Variants in RAB11FIP2 observed in about 807,000 individuals in gnomAD.
RAB11FIP2 encodes rab11 family-interacting protein 2.
Under a neutral mutation model 40.9 loss-of-function variants are expected in RAB11FIP2, and 16 were observed. The ratio of observed to expected loss-of-function variants is 0.39; its 90% confidence interval spans 0.26 to 0.59. The LOEUF (loss-of-function observed/expected upper bound fraction) is 0.59. Ranked by LOEUF, RAB11FIP2 falls within the 20% of genes least tolerant of loss-of-function variation. The pLI, the probability that RAB11FIP2 is intolerant of heterozygous loss-of-function variation, is 0.53. For missense variants in RAB11FIP2, 532 were observed against 606.2 expected (o/e 0.88, Z 1.28); for synonymous variants, 228 against 213.7 (o/e 1.07, Z -0.58).
rs1270651007 is a variant in RAB11FIP2 at position 118,004,942 on chromosome 10, T to C, written c.*4056A>G. The C allele has an allele frequency of 1.3e-5, 2 of 152,632 alleles. No homozygotes were observed. Among genetic ancestry groups the C allele is most frequent in the African/African-American group, 2.4e-5 (1 of 41,462 alleles). The allele number at this position is 152,632 out of a possible 1,614,324, so 9.5% of individuals were successfully genotyped here. A position where few individuals can be genotyped will look rare whatever the true frequency, so the allele number is the denominator to read the frequency against. On this transcript the variant is annotated 3_prime_UTR_variant, in exon 5 of 5. Coordinates refer to ENST00000355624, the MANE Select transcript of RAB11FIP2 (RefSeq NM_014904.3). ...TAAGTTTAAACACTTTAATCAACTATAAGTCAATAATCATATATTATATAA... is the reference window on the plus strand; with the variant it reads ...TAAGTTTAAACACTTTAATCAACTACAAGTCAATAATCATATATTATATAA...
At chr10:118,027,239 A>C (rs1382264896) in intron 3 of RAB11FIP2, among the ~76,000 whole-genome samples, 1 of 152,204 alleles carries the variant, frequency 6.6e-6, no homozygotes. Context: ...AAGGTTAAGT[A>C]AGGCCACGCG....
intron 3 of RAB11FIP2, among the ~76,000 whole-genome samples, chr10:118,026,402 GACT>G (rs1846343800): frequency 6.6e-6 from 1 of 152,128 alleles, no homozygotes; most frequent in African/African-American, 2.4e-5. Flanking sequence ...TGAATTCAGA[GACT>G]ACTAGAGTAG....
chr10:118,037,538 A>G (rs1846496640), intron 3 of RAB11FIP2, among the ~76,000 whole-genome samples: 1 of 152,034 alleles, frequency 6.6e-6, no homozygotes, highest in African/African-American at 2.4e-5. Context: ...CATCAAACAT[A>G]ATTGTAGTCA....
In RAB11FIP2 at chr10:118,046,075, T is replaced by A. The variant is rs762520405; in HGVS notation, c.89A>T (p.Lys30Ile). The A allele has an allele frequency of 1.2e-6, 2 of 1,614,134 alleles. No individual in the cohort carries two copies. The highest frequency in any genetic ancestry group is 2.7e-5 in the African/African-American group (2 of 74,942). The change falls in exon 1 of 5, where the codon AAA becomes ATA. Residue 30 changes from lysine (K) to isoleucine (I), a missense_variant. By Grantham distance (102) the Lys-to-Ile change is moderately radical (BLOSUM62 -3). Coordinates refer to ENST00000355624, the MANE Select transcript of RAB11FIP2 (RefSeq NM_014904.3). ...AGTGTATGTGTCATTGGTACCACTT[T>A]TGCCTTTTGGCTTCAGATCTTTGGC... ...LQAKDLKPKG[K>I]SGTNDTYTII...
chr10:118,032,465 T>G (rs1589645262), intron 3 of RAB11FIP2, among the ~76,000 whole-genome samples: 2 of 149,134 alleles, frequency 1.3e-5, no homozygotes, highest in East Asian at 3.9e-4. Flanking sequence ...TTCCACCATA[T>G]CTCTGTTTTA....
At chr10:118,045,251 T>C (rs1357886757) in intron 1 of RAB11FIP2, 1 of 152,726 alleles carries the variant, frequency 6.5e-6, no homozygotes, top group African/African-American at 2.4e-5. Flanking sequence ...GTACATACTT[T>C]TAAAACTTTT....
At chr10:118,014,515 C>T (rs938695430) in intron 4 of RAB11FIP2, among the ~76,000 whole-genome samples, 33 of 152,234 alleles carry the variant, frequency 2.2e-4, no homozygotes, top group African/African-American at 7.0e-4. Context: ...TTGCAAAATA[C>T]GTGAGTTGAT....
Position 118,039,179 on chromosome 10 carries a change from TTCTC to T in RAB11FIP2, c.1054_1057del (p.Glu352LysfsTer11), listed in dbSNP as rs759923482. On this transcript the variant is annotated frameshift_variant, in exon 3 of 5. Transcript: ENST00000355624. LOFTEE classifies it high-confidence loss of function. ...TTCAAACAGGCTAACTTTCTCCCTT[TTCTC>T]TCTTTTATTTTCTTTTCTTATTTCA... 3 of 1,613,616 alleles carry T rather than the reference TTCTC, an allele frequency of 1.9e-6. No homozygotes were observed. The highest frequency in any genetic ancestry group is 2.5e-6 in the Non-Finnish European group (3 of 1,179,814).
chr10:118,033,289 G>C (rs1004971245), intron 3 of RAB11FIP2, among the ~76,000 whole-genome samples: 1 of 152,018 alleles, frequency 6.6e-6, no homozygotes, highest in Non-Finnish European at 1.5e-5. Context: ...TCAGTCAGAG[G>C]GGAGGCCCAA....
chr10:118,027,358 A>G (rs1442672820), intron 3 of RAB11FIP2, among the ~76,000 whole-genome samples: 2 of 152,242 alleles, frequency 1.3e-5, no homozygotes, highest in African/African-American at 4.8e-5. Flanking sequence ...TTTTCATGTT[A>G]TACTGTAAAA....
At chr10:118,024,482 T>TGC (rs1360909419) in intron 3 of RAB11FIP2, among the ~76,000 whole-genome samples, 2 of 143,296 alleles carry the variant, frequency 1.4e-5, no homozygotes, top group African/African-American at 5.8e-5. Context: ...TGTGTGTGTG[T>TGC]GTGTGTGTGT....
Position 118,040,180 on chromosome 10 carries a change from C to T in RAB11FIP2, c.739G>A (p.Gly247Ser). 6.2e-7 allele frequency: 1 copy of T among 1,613,766 alleles called. No homozygotes were observed. Among genetic ancestry groups the T allele is most frequent in the Non-Finnish European group, 8.5e-7 (1 of 1,179,760 alleles). ...TGGTGTCCGAGAAGATGTGTTTGAC[C>T]TATGGTGCCAGCCTTCAGTTTCTCA... is the stretch of plus-strand genomic sequence containing the variant. Reference protein sequence around the residue: ...SSEKLKAGTIGQTHLLGHQLD... With the variant: ...SSEKLKAGTISQTHLLGHQLD... The change falls in exon 2 of 5, where the codon GGT (glycine) becomes AGT (serine). Residue 247 changes from glycine to serine, a missense_variant. Gly to Ser is a moderately conservative substitution (Grantham distance 56). Transcript: ENST00000355624.
In RAB11FIP2 at chr10:118,007,878, TC is replaced by T. The variant is rs1846112302; in HGVS notation, c.*1119del. ...AAGTTCTCTTCTAAAAACTCACTCT[TC>T]CTTTAGTAAGTCTTATTTTGGTTCA... On this transcript the variant is annotated 3_prime_UTR_variant, in exon 5 of 5. Coordinates refer to ENST00000355624, the MANE Select transcript of RAB11FIP2 (RefSeq NM_014904.3). 6.6e-6 allele frequency: 1 copy of T among 152,506 alleles called. No individual in the cohort carries two copies. Among genetic ancestry groups the T allele is most frequent in the Non-Finnish European group, 1.5e-5 (1 of 67,988 alleles). The allele number at this position is 152,506 out of a possible 1,614,324, so 9.4% of individuals were successfully genotyped here.
chr10:118,010,500 G>A (rs1012581791), intron 4 of RAB11FIP2, among the ~76,000 whole-genome samples: 2 of 151,990 alleles, frequency 1.3e-5, no homozygotes, highest in African/African-American at 4.8e-5. Context: ...TGTATTTGGG[G>A]GTGTTCATGA....
At position 118,005,352 on chromosome 10, in the gene RAB11FIP2, A is replaced by G. The variant is rs988968700; in HGVS notation, c.*3646T>C. ...AGAGCTTCTATACCTCTTATTAAATATATCAGAAAATGCTTCATATGCAGA... is the reference window on the plus strand; with the variant it reads ...AGAGCTTCTATACCTCTTATTAAATGTATCAGAAAATGCTTCATATGCAGA... On this transcript the variant is annotated 3_prime_UTR_variant, in exon 5 of 5. Transcript: ENST00000355624. The G allele has an allele frequency of 8.5e-5, 13 of 152,772 alleles. No homozygotes were observed. The highest frequency in any genetic ancestry group is 2.9e-4 in the African/African-American group (12 of 41,576). 9.5% of individuals were successfully genotyped at this position (152,772 alleles called of 1,614,324 possible). A position where few individuals can be genotyped will look rare whatever the true frequency, so the allele number is the denominator to read the frequency against.
chr10:118,031,103 A>T (rs1474143973), intron 3 of RAB11FIP2, among the ~76,000 whole-genome samples: 1 of 152,154 alleles, frequency 6.6e-6, no homozygotes, highest in African/African-American at 2.4e-5. Context: ...TCAAGTGTGT[A>T]AAAGATTTAT....
intron 1 of RAB11FIP2, among the ~76,000 whole-genome samples, chr10:118,043,263 G>A (rs144091421): frequency 1.3e-5 from 2 of 152,050 alleles, no homozygotes; most frequent in African/African-American, 4.8e-5. Flanking sequence ...ATCTGCATAT[G>A]TCTGAGTCAC....
At chr10:118,018,990 A>C (rs1846252638) in intron 3 of RAB11FIP2, among the ~76,000 whole-genome samples, 1 of 151,834 alleles carries the variant, frequency 6.6e-6, no homozygotes, top group Non-Finnish European at 1.5e-5. Context: ...GAAACTATTC[A>C]GAGTAAAAAG....
chr10:118,009,744 T>C (rs577334291), intron 4 of RAB11FIP2, among the ~76,000 whole-genome samples: 1 of 152,266 alleles, frequency 6.6e-6, no homozygotes, highest in African/African-American at 2.4e-5. Flanking sequence ...CACTCGGAAT[T>C]AAATCAAAGA....
Sources: allele counts gnomAD v4.1 joint callset (sites outside exome capture counted in the v4.1 genomes callset), GRCh38; gene constraint gnomAD v4.1.1; transcripts MANE v1.5; gene names NCBI Gene and HGNC (gene_info 2026-07-23, HGNC 2026-07-21).